Variants in GRIN2B observed in about 807,000 individuals in gnomAD.
GRIN2B encodes the protein glutamate ionotropic receptor NMDA type subunit 2B.
GRIN2B carries 5 observed loss-of-function variants against 114.5 expected under a neutral mutation model. The ratio of observed to expected loss-of-function variants is 0.04; its 90% CI spans 0.02 to 0.09. GRIN2B has a LOEUF of 0.09. Among genes scored for constraint, GRIN2B ranks in the 10% least tolerant of loss-of-function variants. The probability of loss-of-function intolerance (pLI) is 1.00; values close to 1 mark genes in which losing one functional copy is unlikely to be tolerated. For synonymous variants in GRIN2B, 787 were observed against 745.1 expected (o/e 1.06, Z -0.92); for missense variants, 1,108 against 1,943.5 (o/e 0.57, Z 8.08).
intron 10 of GRIN2B, among the ~76,000 whole-genome samples, chr12:13,601,091 T>G (rs995348582): frequency 1.3e-5 from 2 of 152,188 alleles, no homozygotes; most frequent in Non-Finnish European, 2.9e-5. Flanking sequence ...GGAGAAGCAC[T>G]GAAGTCTAAA....
At chr12:13,836,659 T>C (rs1865271555) in intron 3 of GRIN2B, among the ~76,000 whole-genome samples, 1 of 152,220 alleles carries the variant, frequency 6.6e-6, no homozygotes, top group Non-Finnish European at 1.5e-5. Context: ...TCTTTTTTCT[T>C]TCAGAAGTCT....
chr12:13,752,701 C>T (rs1368467338), intron 4 of GRIN2B, among the ~76,000 whole-genome samples: 1 of 152,170 alleles, frequency 6.6e-6, no homozygotes, highest in Non-Finnish European at 1.5e-5. Flanking sequence ...AAAGCCACCT[C>T]TATAGCAGCA....
chr12:13,902,388 C>T (rs138215126), intron 2 of GRIN2B, among the ~76,000 whole-genome samples: 9 of 152,280 alleles, frequency 5.9e-5, no homozygotes, highest in African/African-American at 2.2e-4. Context: ...CTTTCATCTA[C>T]TTCAATTCAT....
intron 4 of GRIN2B, among the ~76,000 whole-genome samples, chr12:13,739,728 T>C (rs182503956): frequency 1.9e-4 from 29 of 152,274 alleles, no homozygotes; most frequent in African/African-American, 6.5e-4. Context: ...TGGTTAATTT[T>C]GGAACTGGGC....
intron 4 of GRIN2B, among the ~76,000 whole-genome samples, chr12:13,735,377 G>A (rs543112300): frequency 1.3e-5 from 2 of 152,230 alleles, no homozygotes; most frequent in South Asian, 4.1e-4. Flanking sequence ...ATGCTTGTTG[G>A]GGTCTTTGTC....
chr12:13,883,839 A>G (rs1866106504), intron 2 of GRIN2B, among the ~76,000 whole-genome samples: 2 of 152,164 alleles, frequency 1.3e-5, no homozygotes, highest in African/African-American at 4.8e-5. Flanking sequence ...CATTTTGTAT[A>G]TCTAGAAAGT....
intron 2 of GRIN2B, among the ~76,000 whole-genome samples, chr12:13,932,861 A>G (rs1331486551): frequency 6.6e-6 from 1 of 152,174 alleles, no homozygotes; most frequent in Non-Finnish European, 1.5e-5. Flanking sequence ...AGATAAGGTA[A>G]GTAGAAAGAC....
At chr12:13,797,733 C>G (rs1035326420) in intron 3 of GRIN2B, among the ~76,000 whole-genome samples, 1 of 152,126 alleles carries the variant, frequency 6.6e-6, no homozygotes, top group African/African-American at 2.4e-5. Flanking sequence ...GTTTGATGGA[C>G]TTAAAACTCT....
intron 4 of GRIN2B, among the ~76,000 whole-genome samples, chr12:13,706,341 C>T (rs977706011): frequency 1.3e-5 from 2 of 152,102 alleles, no homozygotes; most frequent in Non-Finnish European, 2.9e-5. Flanking sequence ...TATTCTAACT[C>T]TGTTAAGATC....
chr12:13,581,272 G>A (rs866553272), intron 10 of GRIN2B, among the ~76,000 whole-genome samples: 2 of 152,292 alleles, frequency 1.3e-5, no homozygotes, highest in African/African-American at 2.4e-5. Context: ...TATCAAGCAA[G>A]TACAGAAACT....
At chr12:13,782,147 T>C (rs760472033) in intron 3 of GRIN2B, among the ~76,000 whole-genome samples, 5 of 152,176 alleles carry the variant, frequency 3.3e-5, no homozygotes, top group Non-Finnish European at 2.9e-5. Context: ...AAGTTGATGT[T>C]ATAGGCTTCA....
intron 4 of GRIN2B, among the ~76,000 whole-genome samples, chr12:13,710,682 G>A (rs1254139867): frequency 1.3e-5 from 2 of 151,940 alleles, no homozygotes; most frequent in South Asian, 2.1e-4. Flanking sequence ...GGGACGTGAA[G>A]GACCTCTTCA....
At chr12:13,767,664 A>G (rs888496127) in intron 3 of GRIN2B, among the ~76,000 whole-genome samples, 6 of 152,138 alleles carry the variant, frequency 3.9e-5, no homozygotes, top group Admixed American at 6.5e-5. Context: ...TTGGTTATCT[A>G]TGTAACAATT....
chr12:13,545,426 C>G lies in GRIN2B; in HGVS notation c.*17357G>C, dbSNP rs191417151. On this transcript the variant is annotated 3_prime_UTR_variant, in exon 14 of 14. Coordinates refer to ENST00000609686, the MANE Select transcript of GRIN2B (RefSeq NM_000834.5). ...CGTTCTTATATTCCAGCACCTAGAA[C>G]AGCCTGGCATGGGTTTCCACTCAAT... is the stretch of plus-strand genomic sequence containing the variant. 5 of 152,278 alleles carry G rather than the reference C, an allele frequency of 3.3e-5. No homozygotes were observed. In the East Asian group the frequency reaches 9.6e-4, roughly 29 times the overall value. The allele number at this position is 152,278 out of a possible 1,614,324, so 9.4% of individuals were successfully genotyped here. A position where few individuals can be genotyped will look rare whatever the true frequency, so the allele number is the denominator to read the frequency against.
rs199514711 is a variant in GRIN2B, at chr12:13,563,894, C to A, written c.3344G>T (p.Arg1115Leu). The A allele has an allele frequency of 8.1e-6, 13 of 1,613,974 alleles. No individual in the cohort carries two copies. The highest frequency in any genetic ancestry group is 1.0e-5 in the Non-Finnish European group (12 of 1,180,012). Residue 1115 changes from arginine (R) to leucine (L), a missense_variant, in exon 14 of 14, where the codon CGC (arginine) becomes CTC (leucine). Arg to Leu is a moderately radical substitution (Grantham distance 102). Around this residue, in one of 19 missense-constraint regions of GRIN2B, gnomAD observed 478 missense variants for 506.0 expected, o/e 0.94. Coordinates refer to ENST00000609686, the MANE Select transcript of GRIN2B (RefSeq NM_000834.5). ...GAAGTAGCGCTTGTGGTCAGGGGAGCGGGGCGGTCGGCGACGGTAGGCCAG... is the reference window on the plus strand; with the variant it reads ...GAAGTAGCGCTTGTGGTCAGGGGAGAGGGGCGGTCGGCGACGGTAGGCCAG... ...IELAYRRRPP[R>L]SPDHKRYFRD...
Position 13,686,798 on chromosome 12 carries a change from G to A in GRIN2B, c.1011-10939C>T, listed in dbSNP as rs144660263. Among the ~76,000 whole-genome samples, 270 of 152,234 alleles carry A rather than the reference G, an allele frequency of 1.8e-3. 1 individual carries two copies. Among genetic ancestry groups the A allele is most frequent in the Middle Eastern group, 6.8e-3 (2 of 294 alleles). ...CAAACAAGGTTGATATGATTTGGCT[G>A]TCTGTCCATCCAAGCAAGGATGTGT... On this transcript the variant is annotated intron_variant, in intron 4 of 13. Coordinates refer to ENST00000609686, the MANE Select transcript of GRIN2B (RefSeq NM_000834.5).
chr12:13,672,159 A>T (rs1349021889), intron 5 of GRIN2B, among the ~76,000 whole-genome samples: 1 of 152,166 alleles, frequency 6.6e-6, no homozygotes, highest in Non-Finnish European at 1.5e-5. Context: ...GAGATTTTGC[A>T]GTCCCAGAAG....
chr12:13,787,379 T>C (rs553156396), intron 3 of GRIN2B, among the ~76,000 whole-genome samples: 1 of 152,308 alleles, frequency 6.6e-6, no homozygotes, highest in South Asian at 2.1e-4. Flanking sequence ...CTGCTACCAA[T>C]GGTCTGAAAT....
Position 13,562,943 on chromosome 12 carries a change from G to A in GRIN2B, c.4295C>T (p.Ser1432Leu), listed in dbSNP as rs1555101579. The A allele has an allele frequency of 6.2e-7, 1 of 1,614,208 alleles. No individual in the cohort carries two copies. The highest frequency in any genetic ancestry group is 8.5e-7 in the Non-Finnish European group (1 of 1,180,026). Residue 1432 changes from serine (S) to leucine (L), a missense_variant, in exon 14 of 14, where the codon TCG becomes TTG. Physicochemically the swap from Ser to Leu is moderately radical, Grantham distance 145. This residue lies in a region of GRIN2B where 478 missense variants were observed against 506.0 expected (regional missense o/e 0.94). Transcript: ENST00000609686. ...GGCTGGCACGGCCCCATGAAGGGCC[G>A]AGACCACCGGCTTGTTGGTGACAAG... Reference protein sequence around the residue: ...RALVTNKPVVSALHGAVPARF... With the variant: ...RALVTNKPVVLALHGAVPARF...
Sources: allele counts gnomAD v4.1 joint callset (sites outside exome capture counted in the v4.1 genomes callset), GRCh38; gene constraint gnomAD v4.1.1; regional missense constraint gnomAD v4.1.1; transcripts MANE v1.5; gene names NCBI Gene and HGNC (gene_info 2026-07-23, HGNC 2026-07-21).